SSBP2: variants seen among roughly 807,000 people sequenced by gnomAD.
SSBP2 encodes the protein single-stranded DNA-binding protein 2.
SSBP2 carries 17 observed loss-of-function variants against 61.8 expected under a neutral mutation model. The ratio of observed to expected loss-of-function variants is 0.28; its 90% CI spans 0.19 to 0.41. The LOEUF (loss-of-function observed/expected upper bound fraction) is 0.41, where lower values mean the gene tolerates loss of function less well. SSBP2 is among the 10% of genes least tolerant of loss of function. The pLI is 1.00. For missense variants in SSBP2, 310 were observed against 458.7 expected (o/e 0.68, Z 2.96); for synonymous variants, 139 against 141.3 (o/e 0.98, Z 0.12).
At chr5:81,592,838 T>C (rs537666616) in intron 4 of SSBP2, among the ~76,000 whole-genome samples, 2 of 152,312 alleles carry the variant, frequency 1.3e-5, no homozygotes, top group Admixed American at 6.5e-5. Flanking sequence ...AAGACCCATC[T>C]GTACGTCACC....
chr5:81,598,300 G>T (rs1045849730), intron 4 of SSBP2, among the ~76,000 whole-genome samples: 3 of 151,984 alleles, frequency 2.0e-5, no homozygotes, highest in Non-Finnish European at 4.4e-5. Context: ...TTGCCATACA[G>T]AACACAATGG....
intron 1 of SSBP2, among the ~76,000 whole-genome samples, chr5:81,712,890 A>AT (rs945554839): frequency 6.6e-5 from 10 of 151,002 alleles, no homozygotes; most frequent in East Asian, 1.9e-4. Context: ...TGCCCAGCTA[A>AT]TTTTTTTTGT....
chr5:81,581,097 A>G (rs957093521), intron 4 of SSBP2, among the ~76,000 whole-genome samples: 1 of 152,332 alleles, frequency 6.6e-6, no homozygotes, highest in East Asian at 1.9e-4. Context: ...TTCTATAAGC[A>G]TACTAATGGT....
At chr5:81,738,993 C>T (rs964480026) in intron 1 of SSBP2, among the ~76,000 whole-genome samples, 36 of 151,552 alleles carry the variant, frequency 2.4e-4, no homozygotes, top group Admixed American at 5.3e-4. Context: ...AGTGAAATCC[C>T]ATCTCTACTA....
chr5:81,554,403 T>C (rs1772436278), intron 4 of SSBP2, among the ~76,000 whole-genome samples: 1 of 151,372 alleles, frequency 6.6e-6, no homozygotes, highest in Non-Finnish European at 1.5e-5. Flanking sequence ...AATAAAATAA[T>C]GCACAAGTAT....
intron 5 of SSBP2, among the ~76,000 whole-genome samples, chr5:81,510,500 C>T (rs1040970251): frequency 2.6e-5 from 4 of 152,134 alleles, no homozygotes; most frequent in Non-Finnish European, 5.9e-5. Context: ...CAGTGGCTCA[C>T]GCTTGTAATC....
intron 12 of SSBP2, among the ~76,000 whole-genome samples, chr5:81,444,207 C>G (rs907833260): frequency 2.6e-5 from 4 of 152,156 alleles, no homozygotes; most frequent in Non-Finnish European, 5.9e-5. Flanking sequence ...TCCTAACCTA[C>G]TTTTGTGACC....
intron 4 of SSBP2, among the ~76,000 whole-genome samples, chr5:81,572,988 A>G (rs1282642511): frequency 6.6e-6 from 1 of 152,216 alleles, no homozygotes; most frequent in East Asian, 1.9e-4. Context: ...CTCATATCCT[A>G]TAATTAAGTA....
At position 81,711,739 on chromosome 5, in the gene SSBP2, G is replaced by A. The variant is rs920705068; in HGVS notation, c.62+39242C>T. 2.6e-5 allele frequency among the ~76,000 whole-genome samples: 4 copies of A among 151,812 alleles called. No homozygotes were observed. In the South Asian group the frequency reaches 8.3e-4, roughly 32 times the overall value. The stretch of plus-strand genomic sequence containing the variant: ...TATCTCATCCAAAATAATCCCAACA[G>A]TATATGGAGGTAGATTAGCATAATG... On this transcript the variant is annotated intron_variant, in intron 1 of 16. Transcript: ENST00000320672.
chr5:81,560,034 T>C (rs1030970142), intron 4 of SSBP2, among the ~76,000 whole-genome samples: 5 of 152,114 alleles, frequency 3.3e-5, no homozygotes, highest in African/African-American at 1.2e-4. Flanking sequence ...AATCAAAAAC[T>C]GAAAAATATG....
In SSBP2 at chr5:81,420,445, G is replaced by T; in HGVS notation, c.*59C>A. On this transcript the variant is annotated 3_prime_UTR_variant, in exon 17 of 17. Coordinates refer to ENST00000320672, the MANE Select transcript of SSBP2 (RefSeq NM_012446.5). ...ACACTGTGATGAATAATTTTCTTCC[G>T]TAGTAGTTCTGTGAAGGGCTGACTC... The T allele has an allele frequency of 6.6e-7, 1 of 1,512,922 alleles. No individual in the cohort carries two copies. The highest frequency in any genetic ancestry group is 9.2e-7 in the Non-Finnish European group (1 of 1,088,490). 93.7% of individuals were successfully genotyped at this position (1,512,922 alleles called of 1,614,324 possible).
chr5:81,595,870 C>A lies in SSBP2; in HGVS notation c.282+19603G>T, dbSNP rs550063620. The stretch of plus-strand genomic sequence containing the variant: ...AATAATAAGAGCTATCTATGACAAA[C>A]CCACATACTGAATGGGCAAAACCCT... On this transcript the variant is annotated intron_variant, in intron 4 of 16. Transcript: ENST00000320672. Among the ~76,000 whole-genome samples, 239 of 152,232 alleles carry A rather than the reference C, an allele frequency of 1.6e-3. 1 individual carries two copies. The highest frequency in any genetic ancestry group is 5.6e-3 in the African/African-American group (231 of 41,546).
chr5:81,672,072 T>C (rs574212078), intron 1 of SSBP2, among the ~76,000 whole-genome samples: 2 of 152,304 alleles, frequency 1.3e-5, no homozygotes, highest in Middle Eastern at 3.4e-3. Flanking sequence ...AAAAGAAAGA[T>C]TTTGCTCCAT....
At chr5:81,649,609 T>C (rs1446373005) in intron 2 of SSBP2, among the ~76,000 whole-genome samples, 2 of 151,848 alleles carry the variant, frequency 1.3e-5, no homozygotes, top group African/African-American at 2.4e-5. Context: ...CACTAGACAC[T>C]ACAGACTACT....
At chr5:81,567,605 G>A (rs1773523617) in intron 4 of SSBP2, among the ~76,000 whole-genome samples, 1 of 140,270 alleles carries the variant, frequency 7.1e-6, no homozygotes, top group Non-Finnish European at 1.5e-5. Context: ...GGACCTATGA[G>A]AAGAAGGCCA....
chr5:81,750,435 C>A (rs1757669635), intron 1 of SSBP2, among the ~76,000 whole-genome samples: 1 of 144,882 alleles, frequency 6.9e-6, no homozygotes, highest in Non-Finnish European at 1.5e-5. Context: ...CGCCCGGCAC[C>A]GCCGCCCTCG....
intron 6 of SSBP2, among the ~76,000 whole-genome samples, chr5:81,484,945 G>A (rs1272414510): frequency 6.6e-6 from 1 of 152,116 alleles, no homozygotes; most frequent in African/African-American, 2.4e-5. Context: ...AGAAACAGAG[G>A]ATAAAGTTTC....
At position 81,608,697 on chromosome 5, in the gene SSBP2, TGTAAATGAATAAAAGATTTTTTTAATG is replaced by T. The variant is rs1581156794; in HGVS notation, c.282+6749_282+6775del. Among the ~76,000 whole-genome samples, 4 of 152,280 alleles carry T rather than the reference TGTAAATGAATAAAAGATTTTTTTAATG, an allele frequency of 2.6e-5. No individual in the cohort carries two copies. In the East Asian group the frequency reaches 7.7e-4, roughly 29 times the overall value. ...TTTGAACTGTAATGGATTGAGATGTTGTAAATGAATAAAAGATTTTTTTAATGAAAATTATTACTCAAGAGTTAACCA... is the reference window on the plus strand; with the variant it reads ...TTTGAACTGTAATGGATTGAGATGTTAAAATTATTACTCAAGAGTTAACCA... On this transcript the variant is annotated intron_variant, in intron 4 of 16. Transcript: ENST00000320672.
chr5:81,483,792 CT>C (rs1262742890), intron 6 of SSBP2, among the ~76,000 whole-genome samples: 15 of 151,850 alleles, frequency 9.9e-5, no homozygotes, highest in African/African-American at 3.6e-4. Flanking sequence ...CACATTTATA[CT>C]TTTCTTTTTT....
Sources: gnomAD v4.1 joint callset for allele counts (sites outside exome capture counted in the v4.1 genomes callset) on GRCh38, gnomAD v4.1.1 for gene constraint, MANE v1.5 for transcripts, NCBI Gene and HGNC (gene_info 2026-07-23, HGNC 2026-07-21) for gene names.